The following ANKRD33B variants were observed in gnomAD, a reference collection of about 807,000 sequenced individuals.
ANKRD33B encodes ankyrin repeat domain 33B.
Under a neutral mutation model 21.5 loss-of-function variants are expected in ANKRD33B, and 6 were observed. That is an observed-to-expected ratio of 0.28 (90% CI 0.15 to 0.55). The LOEUF (loss-of-function observed/expected upper bound fraction) is 0.55, where lower values mean the gene tolerates loss of function less well. Among genes scored for constraint, ANKRD33B ranks in the 20% least tolerant of loss-of-function variants. The pLI is 0.94. For missense variants in ANKRD33B, 698 were observed against 747.2 expected (o/e 0.93, Z 0.77); for synonymous variants, 347 against 342.4 (o/e 1.01, Z -0.15).
rs751132139 is a variant in ANKRD33B at position 10,618,373 on chromosome 5, C to T, written c.407C>T (p.Thr136Ile). Reference protein sequence around the residue: ...IVACYHGFVDTVVALAECPHV... With the variant: ...IVACYHGFVDIVVALAECPHV... ...GCCTGCTACCACGGCTTTGTGGATA[C>T]CGTGGTGGCCTTAGCAGAGTGCCCC... Residue 136 changes from threonine (T) to isoleucine (I), a missense_variant, in exon 2 of 4, where the codon ACC (threonine) becomes ATC (isoleucine). Transcript: ENST00000296657. The T allele has an allele frequency of 2.0e-6, 3 of 1,536,688 alleles. No individual in the cohort carries two copies. Among genetic ancestry groups the T allele is most frequent in the Non-Finnish European group, 2.6e-6 (3 of 1,146,972 alleles).
At chr5:10,596,158 T>C (rs1245686213) in intron 1 of ANKRD33B, among the ~76,000 whole-genome samples, 3 of 152,148 alleles carry the variant, frequency 2.0e-5, no homozygotes, top group East Asian at 3.8e-4. Flanking sequence ...TTTCTTTTTG[T>C]CCCCCTCAAC....
chr5:10,644,948 G>A (rs57306625), intron 3 of ANKRD33B, among the ~76,000 whole-genome samples: 63,807 of 152,030 alleles, frequency 0.42, 13,674 homozygotes, highest in Middle Eastern at 0.55. Flanking sequence ...GGTTCCTCTT[G>A]TGGGCAGCTG....
chr5:10,607,660 A>G (rs1005958784), intron 1 of ANKRD33B, among the ~76,000 whole-genome samples: 1 of 152,176 alleles, frequency 6.6e-6, no homozygotes, highest in Non-Finnish European at 1.5e-5. Flanking sequence ...CGTCGCCCAT[A>G]CTTGAGTGAA....
chr5:10,603,311 G>A (rs1470097342), intron 1 of ANKRD33B, among the ~76,000 whole-genome samples: 1 of 151,902 alleles, frequency 6.6e-6, no homozygotes, highest in East Asian at 1.9e-4. Flanking sequence ...CGCCCAGGCT[G>A]GAGTGCAGTG....
At chr5:10,602,557 TTTTA>T (rs1735956134) in intron 1 of ANKRD33B, among the ~76,000 whole-genome samples, 2 of 152,202 alleles carry the variant, frequency 1.3e-5, no homozygotes, top group African/African-American at 4.8e-5. Flanking sequence ...AGTTGGAGAA[TTTTA>T]TTTCTCATGA....
chr5:10,572,562 G>A (rs1022014827), intron 1 of ANKRD33B, among the ~76,000 whole-genome samples: 2 of 152,202 alleles, frequency 1.3e-5, no homozygotes, highest in South Asian at 2.1e-4. Context: ...AGGCAGTTCC[G>A]GTGTGGTCTG....
intron 3 of ANKRD33B, among the ~76,000 whole-genome samples, chr5:10,646,699 CTT>C (rs1213993655): frequency 1.3e-5 from 2 of 152,222 alleles, no homozygotes; most frequent in Non-Finnish European, 2.9e-5. Context: ...TGCAATGACA[CTT>C]TTACTGCCCC....
intron 1 of ANKRD33B, among the ~76,000 whole-genome samples, chr5:10,566,615 T>C (rs989177407): frequency 6.6e-6 from 1 of 152,192 alleles, no homozygotes; most frequent in Non-Finnish European, 1.5e-5. Flanking sequence ...ATGTTTCCTT[T>C]AGGGGCAAAA....
intron 1 of ANKRD33B, among the ~76,000 whole-genome samples, chr5:10,604,351 C>A (rs1167899268): frequency 6.6e-6 from 1 of 151,066 alleles, no homozygotes; most frequent in Admixed American, 6.6e-5. Flanking sequence ...GCCACCGCAC[C>A]CGGCTAATTT....
At chr5:10,578,400 C>G (rs577833925) in intron 1 of ANKRD33B, among the ~76,000 whole-genome samples, 1 of 152,346 alleles carries the variant, frequency 6.6e-6, no homozygotes, top group South Asian at 2.1e-4. Flanking sequence ...AGGAAAGCAG[C>G]ATGTTAAGTT....
At chr5:10,598,432 AATTTTTGT>A (rs1228100896) in intron 1 of ANKRD33B, among the ~76,000 whole-genome samples, 2 of 151,806 alleles carry the variant, frequency 1.3e-5, no homozygotes, top group Non-Finnish European at 2.9e-5. Context: ...ATGCCTGGCT[AATTTTTGT>A]ATTTTTTGTA....
At chr5:10,610,074 A>G (rs1736132115) in intron 1 of ANKRD33B, among the ~76,000 whole-genome samples, 1 of 152,238 alleles carries the variant, frequency 6.6e-6, no homozygotes, top group African/African-American at 2.4e-5. Flanking sequence ...GCAATCAGGA[A>G]TGCGAAGTGA....
At chr5:10,628,671 A>G (rs570009668) in intron 2 of ANKRD33B, among the ~76,000 whole-genome samples, 18 of 152,214 alleles carry the variant, frequency 1.2e-4, no homozygotes, top group African/African-American at 4.3e-4. Flanking sequence ...ACTTTTCCCA[A>G]AGGAGTGGTA....
At chr5:10,574,104 G>A (rs1406820476) in intron 1 of ANKRD33B, among the ~76,000 whole-genome samples, 2 of 152,210 alleles carry the variant, frequency 1.3e-5, no homozygotes, top group East Asian at 3.8e-4. Context: ...GAGCAGGCGT[G>A]TACACACACA....
intron 1 of ANKRD33B, among the ~76,000 whole-genome samples, chr5:10,600,553 T>A (rs554805357): frequency 3.0e-4 from 46 of 152,378 alleles, no homozygotes; most frequent in African/African-American, 1.1e-3. Context: ...AGACTTTGCT[T>A]ATCTAGTCTC....
At chr5:10,605,748 C>G (rs751687224) in intron 1 of ANKRD33B, among the ~76,000 whole-genome samples, 2 of 152,120 alleles carry the variant, frequency 1.3e-5, no homozygotes, top group African/African-American at 2.4e-5. Flanking sequence ...AGGCTGGTCT[C>G]GAACATCTGA....
chr5:10,641,872 T>TA (rs796927805), intron 3 of ANKRD33B, among the ~76,000 whole-genome samples: 6 of 152,176 alleles, frequency 3.9e-5, no homozygotes, highest in African/African-American at 1.4e-4. Context: ...AGTTTTATTT[T>TA]AAAAAAACGA....
chr5:10,637,573 G>A (rs1465827775), intron 2 of ANKRD33B, among the ~76,000 whole-genome samples: 2 of 152,032 alleles, frequency 1.3e-5, no homozygotes, highest in African/African-American at 4.8e-5. Context: ...CTATGATGAT[G>A]ACTTTTTCCT....
chr5:10,643,819 C>CAAA (rs374365829), intron 3 of ANKRD33B, among the ~76,000 whole-genome samples: 224 of 88,976 alleles, frequency 2.5e-3, no homozygotes, highest in East Asian at 4.9e-3. Flanking sequence ...GACTCTGTCT[C>CAAA]AAAAAAAAAA....
Sources: allele counts gnomAD v4.1 joint callset (sites outside exome capture counted in the v4.1 genomes callset), GRCh38; gene constraint gnomAD v4.1.1; transcripts MANE v1.5; gene names NCBI Gene and HGNC (gene_info 2026-07-23, HGNC 2026-07-21).